The following EPHA2 variants were observed in gnomAD, a reference collection of about 807,000 sequenced individuals.
EPHA2 encodes the protein EPH receptor A2.
EPHA2 carries 54 observed loss-of-function variants against 104.9 expected under a neutral mutation model. The ratio of observed to expected loss-of-function variants is 0.51; its 90% confidence interval spans 0.41 to 0.65. The LOEUF is 0.65. EPHA2 is among the 30% of genes least tolerant of loss of function. The pLI is 0.00. For synonymous variants in EPHA2, 560 were observed against 559.1 expected, an observed-to-expected ratio of 1.00 and a Z score of -0.02; for missense variants, 1,117 against 1,369.5, an observed-to-expected ratio of 0.82 and a Z score of 2.91.
rs1237319199 is a variant in EPHA2 at position 16,134,232 on chromosome 1, G to A, written c.1682+236C>T. On this transcript the variant is annotated intron_variant, in intron 8 of 16. Transcript: ENST00000358432. This position sits in a 1 kb window ranked among gnomAD's most constrained non-coding sequence, Gnocchi z 4.5. ...TCCTGCCTGCGTGTCCAGAGGAAGT[G>A]TGGACACATCATTAATAACAACAAG... 3.6e-5 allele frequency among the ~76,000 whole-genome samples: 2 copies of A among 55,612 alleles called. No individual in the cohort carries two copies. The highest frequency in any genetic ancestry group is 1.6e-4 in the African/African-American group (2 of 12,356). The allele number at this position is 55,612 out of a possible 152,430, so 36.5% of individuals were successfully genotyped here.
At position 16,135,608 on chromosome 1, in the gene EPHA2, C is replaced by A; in HGVS notation, c.1428+47G>T. Reference sequence around the variant, plus strand: ...GATCATCTATGTGACCAGCCTGTCCCCTGCTGTCGGCCCAGCTAGAGCCAG... The same window carrying A: ...GATCATCTATGTGACCAGCCTGTCCACTGCTGTCGGCCCAGCTAGAGCCAG... On this transcript the variant is annotated intron_variant, in intron 6 of 16. Coordinates refer to ENST00000358432, the MANE Select transcript of EPHA2 (RefSeq NM_004431.5). This position sits in a 1 kb window ranked among gnomAD's most constrained non-coding sequence, Gnocchi z 4.3. 1 of 1,557,412 alleles carries A rather than the reference C, an allele frequency of 6.4e-7. No individual in the cohort carries two copies. The highest frequency in any genetic ancestry group is 8.9e-7 in the Non-Finnish European group (1 of 1,128,660).
At chr1:16,133,741 C>G (rs1452686897) in intron 9 of EPHA2, 119 bp downstream of exon 9, 1 of 1,488,894 alleles carries the variant, frequency 6.7e-7, no homozygotes, top group Non-Finnish European at 9.0e-7. Flanking sequence ...TCAGAGCTGC[C>G]CACGGAAGCC....
Position 16,130,935 on chromosome 1 carries a change from G to C in EPHA2, c.2476-516C>G, listed in dbSNP as rs2024560261. 6.6e-6 allele frequency among the ~76,000 whole-genome samples: 1 copy of C among 152,082 alleles called. No individual in the cohort carries two copies. Among genetic ancestry groups the C allele is most frequent in the African/African-American group, 2.4e-5 (1 of 41,410 alleles). On this transcript the variant is annotated intron_variant, in intron 14 of 16. Coordinates refer to ENST00000358432, the MANE Select transcript of EPHA2 (RefSeq NM_004431.5). The surrounding 1 kb of genome is among the most constrained non-coding windows in gnomAD (Gnocchi z 4.5). Reference sequence around the variant, plus strand: ...ATGCGCCATTGCTCCCAGCTAGAAGGGACCCTGCTCCCTCACAGGGCACCA... The same window carrying C: ...ATGCGCCATTGCTCCCAGCTAGAAGCGACCCTGCTCCCTCACAGGGCACCA...
rs747886125 is a variant in EPHA2 at position 16,148,460 on chromosome 1, A to G, written c.741T>C (p.Cys247=). The part of the protein sequence containing the change: ...PPGGEEPRMH[C]AVDGEWLVPI... ...GCACCAGCCACTCGCCATCCACTGC[A>G]CAGTGCATACGGGGCTCTTCACCCC... The change falls in exon 3 of 17, where the codon TGT becomes TGC. Residue 247 remains cysteine, a synonymous_variant. Transcript: ENST00000358432. The surrounding 1 kb of genome is among the most constrained non-coding windows in gnomAD (Gnocchi z 4.9). The G allele has an allele frequency of 1.9e-6, 3 of 1,613,794 alleles. No individual in the cohort carries two copies. Among genetic ancestry groups the G allele is most frequent in the Admixed American group, 1.7e-5 (1 of 60,010 alleles).
intron 1 of EPHA2, 122 bp downstream of exon 1, chr1:16,155,726 C>A (rs957433381): frequency 2.4e-5 from 19 of 777,416 alleles, no homozygotes; most frequent in Non-Finnish European, 3.3e-5. Context: ...GCCCTCCGGA[C>A]TCCAGTTCGC....
intron 2 of EPHA2, 81 bp from the exon 3 acceptor site, chr1:16,149,128 G>T (rs1182497970): frequency 1.4e-6 from 2 of 1,481,288 alleles, no homozygotes; most frequent in Non-Finnish European, 1.9e-6. Flanking sequence ...GCACTAGGAA[G>T]ATGCTTTCCA....
At chr1:16,151,006 C>T in intron 1 of EPHA2, 43 bp from the exon 2 acceptor site, 1 of 1,604,320 alleles carries the variant, frequency 6.2e-7, no homozygotes, top group Non-Finnish European at 8.5e-7. Flanking sequence ...GGGGTGTCTT[C>T]AGGAGTCAGA....
chr1:16,148,642 C>T lies in EPHA2; in HGVS notation c.559G>A (p.Ala187Thr). The T allele has an allele frequency of 6.2e-7, 1 of 1,608,782 alleles. No individual in the cohort carries two copies. The highest frequency in any genetic ancestry group is 8.5e-7 in the Non-Finnish European group (1 of 1,180,006). ...CGGACGGAGAGCAGCGCCACACAGG[C>T]ACCGATATCCTGGAAGGCCAGGTAG... ...GFYLAFQDIGACVALLSVRVY... is the reference protein window; with the variant it reads ...GFYLAFQDIGTCVALLSVRVY... The change falls in exon 3 of 17, where the codon GCC becomes ACC. Residue 187 changes from alanine to threonine, a missense_variant. Coordinates refer to ENST00000358432, the MANE Select transcript of EPHA2 (RefSeq NM_004431.5). This position sits in a 1 kb window ranked among gnomAD's most constrained non-coding sequence, Gnocchi z 4.9.
intron 2 of EPHA2, among the ~76,000 whole-genome samples, 186 bp from the exon 3 acceptor site, chr1:16,149,233 G>C (rs2024993277): frequency 6.6e-6 from 1 of 152,152 alleles, no homozygotes; most frequent in Admixed American, 6.5e-5. Flanking sequence ...CTGGCCCCTG[G>C]TCTTTCTGGC....
rs975969554 is a variant in EPHA2 at position 16,150,117 on chromosome 1, A to C, written c.153+779T>G. ...ACCCCAGCCAAGCCTGCCCAGAGCT[A>C]GGGTGACCGGGGACAAGAACTCGAC... On this transcript the variant is annotated intron_variant, in intron 2 of 16. Transcript: ENST00000358432. The surrounding 1 kb of genome is among the most constrained non-coding windows in gnomAD (Gnocchi z 4.8). 7.2e-5 allele frequency among the ~76,000 whole-genome samples: 11 copies of C among 152,144 alleles called. No individual in the cohort carries two copies. Among genetic ancestry groups the C allele is most frequent in the Non-Finnish European group, 1.0e-4 (7 of 67,994 alleles).
intron 3 of EPHA2, among the ~76,000 whole-genome samples, chr1:16,140,704 C>T (rs1569582619): frequency 1.3e-5 from 2 of 152,106 alleles, no homozygotes; most frequent in South Asian, 4.1e-4. Context: ...CTGCAACCTC[C>T]GCCTCCTGGG....
At chr1:16,149,178 C>T (rs368628877) in intron 2 of EPHA2, 131 bp from the exon 3 acceptor site, 187 of 996,604 alleles carry the variant, frequency 1.9e-4, no homozygotes, top group Middle Eastern at 1.6e-3. Context: ...GAAACTGAGG[C>T]CTGAGGCGGG....
chr1:16,129,837 T>A (rs1481098727), intron 15 of EPHA2, among the ~76,000 whole-genome samples: 1 of 152,056 alleles, frequency 6.6e-6, no homozygotes. Flanking sequence ...AACTACCACA[T>A]CATAAAATGC....
chr1:16,141,757 C>CG (rs1557511108), intron 3 of EPHA2, among the ~76,000 whole-genome samples: 1 of 152,246 alleles, frequency 6.6e-6, no homozygotes, highest in Non-Finnish European at 1.5e-5. Flanking sequence ...CCCCAGCGCC[C>CG]GGGGGTGGCC....
chr1:16,125,414 G>A lies in EPHA2; in HGVS notation c.2826-94C>T, dbSNP rs2024448275. ...ACAGGACTCGGTGGGCGGCTGGGGA[G>A]GGGAGTGGAGGGAGGCAGAGGAGGA... On this transcript the variant is annotated intron_variant, in intron 16 of 16. Coordinates refer to ENST00000358432, the MANE Select transcript of EPHA2 (RefSeq NM_004431.5). This position sits in a 1 kb window ranked among gnomAD's most constrained non-coding sequence, Gnocchi z 4.9. 3.5e-6 allele frequency: 3 copies of A among 849,138 alleles called. No homozygotes were observed. The highest frequency in any genetic ancestry group is 5.4e-6 in the Non-Finnish European group (3 of 556,360). The allele number at this position is 849,138 out of a possible 1,614,324, so 52.6% of individuals were successfully genotyped here.
chr1:16,146,470 C>T (rs2024937132), intron 3 of EPHA2: 2 of 152,408 alleles, frequency 1.3e-5, no homozygotes, highest in Non-Finnish European at 2.9e-5. Context: ...CCCCCGCATT[C>T]TTGTGCGAGG....
rs1488511107 is a variant in EPHA2, at chr1:16,148,380, T to C, written c.821A>G (p.Gln274Arg). 2 of 1,613,680 alleles carry C rather than the reference T, an allele frequency of 1.2e-6. No individual in the cohort carries two copies. The highest frequency in any genetic ancestry group is 1.6e-4 in the Middle Eastern group (1 of 6,062). Residue 274 changes from glutamine to arginine, a missense_variant and splice_region_variant, in exon 3 of 17, where the codon CAG (glutamine) becomes CGG (arginine). Around this residue, in one of 3 missense-constraint regions of EPHA2, gnomAD observed 664 missense variants for 784.8 expected, o/e 0.85. Transcript: ENST00000358432. The surrounding 1 kb of genome is among the most constrained non-coding windows in gnomAD (Gnocchi z 4.9). ...TGCAACCCAGAACCGTCACTCACCC[T>C]GGCAGGCATCCTCCACCTTCTCGTA... ...AGYEKVEDAC[Q>R]ACSPGFFKFE...
At chr1:16,133,701 A>T (rs1263989095) in intron 9 of EPHA2, 95 bp from the exon 10 acceptor site, 10 of 1,579,084 alleles carry the variant, frequency 6.3e-6, no homozygotes, top group Non-Finnish European at 8.6e-6. Context: ...ATCTTCAGAG[A>T]CTTGGACCAG....
Position 16,130,021 on chromosome 1 carries a change from T to G in EPHA2, c.2669+205A>C, listed in dbSNP as rs2024543421. Among the ~76,000 whole-genome samples the G allele has an allele frequency of 6.6e-6, 1 of 152,234 alleles. No homozygotes were observed. ...GAAAACATATTAAGTGCTCACGCAG[T>G]GCCCTGCACACAGACACATAAGCTG... On this transcript the variant is annotated intron_variant, in intron 15 of 16. Transcript: ENST00000358432. The surrounding 1 kb of genome is among the most constrained non-coding windows in gnomAD (Gnocchi z 4.5).
Sources: allele counts gnomAD v4.1 joint callset (sites outside exome capture counted in the v4.1 genomes callset), GRCh38; gene constraint gnomAD v4.1.1; regional missense constraint gnomAD v4.1.1; non-coding constraint Gnocchi (gnomAD v3.1); transcripts MANE v1.5; gene names NCBI Gene and HGNC (gene_info 2026-07-23, HGNC 2026-07-21).